Variants in PLPPR5 observed in about 807,000 individuals in gnomAD.
PLPPR5 encodes the protein phospholipid phosphatase related 5.
In PLPPR5, 16 loss-of-function variants were observed where a neutral mutation model predicts 33.9. The ratio of observed to expected loss-of-function variants is 0.47; its 90% CI spans 0.32 to 0.72. PLPPR5 has a LOEUF of 0.72. Among genes scored for constraint, PLPPR5 ranks in the 30% least tolerant of loss-of-function variants. The pLI is 0.03. For synonymous variants in PLPPR5, 163 were observed against 150.3 expected, an observed-to-expected ratio of 1.08 and a Z score of -0.62; for missense variants, 301 against 406.7, an observed-to-expected ratio of 0.74 and a Z score of 2.23.
chr1:98,957,266 G>A (rs887367662), intron 1 of PLPPR5, among the ~76,000 whole-genome samples: 2 of 151,568 alleles, frequency 1.3e-5, no homozygotes, highest in African/African-American at 4.8e-5. Context: ...CAGCGCACCA[G>A]CATGGCACAT....
At chr1:98,968,937 T>A (rs10489920) in intron 1 of PLPPR5, among the ~76,000 whole-genome samples, 13,818 of 152,120 alleles carry the variant, frequency 0.091, 730 homozygotes, top group Non-Finnish European at 0.11. Flanking sequence ...TTTGATTATT[T>A]TGCTTCATTT....
At chr1:98,952,357 G>A (rs1650821052) in intron 3 of PLPPR5, among the ~76,000 whole-genome samples, 1 of 152,062 alleles carries the variant, frequency 6.6e-6, no homozygotes, top group Admixed American at 6.5e-5. Context: ...TGAGCTGCAA[G>A]GTACATCCTT....
Position 98,976,092 on chromosome 1 carries a change from T to TAAAAAAAAA in PLPPR5, c.238-19360_238-19352dup, listed in dbSNP as rs34637022. On this transcript the variant is annotated intron_variant, in intron 1 of 5. Transcript: ENST00000263177. ...AAGATGAGATCATCCTACTAAAAAG[T>TAAAAAAAAA]AAAAAAAAAAAAAAAAAAAAAAGCC... Among the ~76,000 whole-genome samples, 28 of 74,666 alleles carry TAAAAAAAAA rather than the reference T, an allele frequency of 3.8e-4. 1 individual carries two copies. The highest frequency in any genetic ancestry group is 5.2e-4 in the South Asian group (1 of 1,936). 49.0% of individuals were successfully genotyped at this position (74,666 alleles called of 152,430 possible).
intron 3 of PLPPR5, among the ~76,000 whole-genome samples, chr1:98,926,589 T>C (rs953143037): frequency 3.3e-5 from 5 of 152,026 alleles, no homozygotes; most frequent in South Asian, 2.1e-4. Flanking sequence ...CCTTATCAAG[T>C]TCCCCTTACC....
chr1:98,906,159 T>A (rs1648888930), intron 5 of PLPPR5, among the ~76,000 whole-genome samples: 1 of 151,148 alleles, frequency 6.6e-6, no homozygotes, highest in African/African-American at 2.4e-5. Flanking sequence ...ATACACAGTG[T>A]GTGTATATAT....
chr1:99,004,561 G>A lies in PLPPR5; in HGVS notation c.111C>T (p.Thr37=), dbSNP rs144194271. 5 of 1,612,872 alleles carry A rather than the reference G, an allele frequency of 3.1e-6. No homozygotes were observed. The highest frequency in any genetic ancestry group is 2.7e-5 in the African/African-American group (2 of 74,908). The change falls in exon 1 of 6, where the codon ACC becomes ACT. Residue 37 remains threonine (T), a synonymous_variant. Transcript: ENST00000263177. ...GGCAGAAGAAGCCCTGCACGTTCAC[G>A]GTGAACGTGTCCGTATACTCGAAGT... is the stretch of plus-strand genomic sequence containing the variant. The part of the protein sequence containing the change: ...AYYFEYTDTF[T]VNVQGFFCHD...
intron 3 of PLPPR5, among the ~76,000 whole-genome samples, chr1:98,941,434 A>C (rs1015433821): frequency 3.3e-5 from 5 of 151,586 alleles, no homozygotes; most frequent in Non-Finnish European, 7.4e-5. Context: ...TGGAGGTGGA[A>C]GGGGCAAACC....
chr1:98,978,088 AATGATTTTTAATTCC>A (rs1169748549), intron 1 of PLPPR5, among the ~76,000 whole-genome samples: 4 of 151,968 alleles, frequency 2.6e-5, no homozygotes, highest in African/African-American at 9.7e-5. Context: ...GAAAAGTAGA[AATGATTTTTAATTCC>A]TCTGGCATCG....
chr1:98,987,416 A>G (rs1405583282), intron 1 of PLPPR5, among the ~76,000 whole-genome samples: 3 of 151,914 alleles, frequency 2.0e-5, no homozygotes, highest in Admixed American at 1.3e-4. Context: ...GTTATTAGTC[A>G]TAATTTTGGT....
At position 98,926,282 on chromosome 1, in the gene PLPPR5, A is replaced by G. The variant is rs529804240; in HGVS notation, c.622-4224T>C. Among the ~76,000 whole-genome samples the G allele has an allele frequency of 3.3e-5, 5 of 152,200 alleles. No homozygotes were observed. In the South Asian group the frequency reaches 1.0e-3, roughly 32 times the overall value. On this transcript the variant is annotated intron_variant, in intron 3 of 5. Transcript: ENST00000263177. ...ATTAAGCAAACCGGTGCCCACTACA[A>G]CTGACCAGCCCAGAGTGCAGTTGAG... is the stretch of plus-strand genomic sequence containing the variant.
intron 2 of PLPPR5, among the ~76,000 whole-genome samples, chr1:98,954,483 T>C (rs981406695): frequency 1.3e-5 from 2 of 152,248 alleles, no homozygotes; most frequent in Non-Finnish European, 2.9e-5. Flanking sequence ...TGTTGTATAG[T>C]ATATCACCAT....
intron 3 of PLPPR5, among the ~76,000 whole-genome samples, chr1:98,922,975 ACT>A (rs1466608555): frequency 1.3e-5 from 2 of 149,676 alleles, no homozygotes; most frequent in East Asian, 2.0e-4. Context: ...ACAGAGCGAG[ACT>A]CTGTCTCAAA....
At chr1:98,929,036 G>A (rs1024692475) in intron 3 of PLPPR5, among the ~76,000 whole-genome samples, 1 of 152,074 alleles carries the variant, frequency 6.6e-6, no homozygotes. Flanking sequence ...AGGAGATTCC[G>A]TATTTAGTCA....
intron 1 of PLPPR5, among the ~76,000 whole-genome samples, chr1:98,970,621 C>G (rs975718420): frequency 6.6e-6 from 1 of 151,866 alleles, no homozygotes; most frequent in African/African-American, 2.4e-5. Flanking sequence ...AAACATCTTA[C>G]ATATATTAAC....
At chr1:98,933,066 A>C (rs2101179405) in intron 3 of PLPPR5, among the ~76,000 whole-genome samples, 1 of 152,268 alleles carries the variant, frequency 6.6e-6, no homozygotes, top group African/African-American at 2.4e-5. Flanking sequence ...TTTCTACCTC[A>C]AAACAGATGG....
intron 1 of PLPPR5, among the ~76,000 whole-genome samples, chr1:98,969,255 T>C (rs1651565132): frequency 1.3e-5 from 2 of 152,036 alleles, no homozygotes; most frequent in Admixed American, 6.6e-5. Flanking sequence ...GTAGCTATTA[T>C]ATGACAGAGA....
rs978567194 is a variant in PLPPR5 at position 98,891,634 on chromosome 1, C to T, written c.*1438G>A. 6.6e-6 allele frequency: 1 copy of T among 151,986 alleles called. No homozygotes were observed. The highest frequency in any genetic ancestry group is 2.4e-5 in the African/African-American group (1 of 41,396). 9.4% of individuals were successfully genotyped at this position (151,986 alleles called of 1,614,324 possible). On this transcript the variant is annotated 3_prime_UTR_variant, in exon 6 of 6. Transcript: ENST00000263177. The stretch of plus-strand genomic sequence containing the variant: ...AAGGGGAGATGCTGAATTTAGGCTT[C>T]TCTTTCACAAAAAGCCTCACATCTA...
Position 98,939,726 on chromosome 1 carries a change from C to T in PLPPR5, c.621+13344G>A, listed in dbSNP as rs540535771. Among the ~76,000 whole-genome samples, 11 of 151,982 alleles carry T rather than the reference C, an allele frequency of 7.2e-5. 1 individual carries two copies. Among genetic ancestry groups the T allele is most frequent in the East Asian group, 5.8e-4 (3 of 5,170 alleles). On this transcript the variant is annotated intron_variant, in intron 3 of 5. Coordinates refer to ENST00000263177, the MANE Select transcript of PLPPR5 (RefSeq NM_001037317.2). The stretch of plus-strand genomic sequence containing the variant: ...AGGCATGGAGAAGTGGTGGTGCCAG[C>T]GATACCTGGGTCCTGCAGTCACAGC...
At chr1:98,978,334 CA>C (rs1364186898) in intron 1 of PLPPR5, among the ~76,000 whole-genome samples, 2 of 152,066 alleles carry the variant, frequency 1.3e-5, no homozygotes, top group African/African-American at 4.8e-5. Context: ...TTGATTTTCA[CA>C]TAGAATTTTT....
Sources: gnomAD v4.1 joint callset for allele counts (sites outside exome capture counted in the v4.1 genomes callset) on GRCh38, gnomAD v4.1.1 for gene constraint, MANE v1.5 for transcripts, NCBI Gene and HGNC (gene_info 2026-07-23, HGNC 2026-07-21) for gene names.